Variants in PTPRS observed in about 807,000 individuals in gnomAD.
The protein encoded by PTPRS is receptor-type tyrosine-protein phosphatase S.
In PTPRS, 63 loss-of-function variants were observed where a neutral mutation model predicts 215.3. The observed-to-expected ratio is 0.29, with a 90% confidence interval of 0.24 to 0.36. The LOEUF is 0.36. Among genes scored for constraint, PTPRS ranks in the 10% least tolerant of loss-of-function variants. PTPRS has a pLI of 1.00. For synonymous variants in PTPRS, 1,404 were observed against 1,191.4 expected (o/e 1.18, Z -3.68); for missense variants, 2,258 against 2,825.8 (o/e 0.80, Z 4.56).
At chr19:5,269,191 CCCA>C (rs1418268245) in intron 4 of PTPRS, among the ~76,000 whole-genome samples, 1 of 152,084 alleles carries the variant, frequency 6.6e-6, no homozygotes, top group Non-Finnish European at 1.5e-5. Context: ...CTTGCCCGTG[CCCA>C]CGTGTCCACA....
intron 1 of PTPRS, among the ~76,000 whole-genome samples, chr19:5,314,250 A>G (rs11085125): frequency 0.75 from 114,552 of 152,120 alleles, 44,603 homozygotes; most frequent in African/African-American, 0.94. Flanking sequence ...AGTAAGATAG[A>G]GTCGTGACCT....
intron 1 of PTPRS, among the ~76,000 whole-genome samples, chr19:5,290,669 G>A (rs557068622): frequency 1.1e-4 from 16 of 152,166 alleles, no homozygotes; most frequent in African/African-American, 2.9e-4. Flanking sequence ...GTCCTGGGGC[G>A]GGAGTCTGGG....
At chr19:5,250,590 C>T (rs1436593856) in intron 9 of PTPRS, among the ~76,000 whole-genome samples, 2 of 143,576 alleles carry the variant, frequency 1.4e-5, no homozygotes, top group Non-Finnish European at 3.0e-5. Flanking sequence ...CAGCTCTTCT[C>T]GTCACCGAGT....
Position 5,267,199 on chromosome 19 carries a change from G to A in PTPRS, c.380-2003C>T, listed in dbSNP as rs149485295. On this transcript the variant is annotated intron_variant, in intron 4 of 37. Coordinates refer to ENST00000262963, the MANE Select transcript of PTPRS (RefSeq NM_002850.4). ...CTCCCCTCCATGGTAAATGGAGACC[G>A]GTGGTGATGTGGGGGCGGGGGGGAG... 1.5e-3 allele frequency among the ~76,000 whole-genome samples: 224 copies of A among 151,906 alleles called. 1 individual carries two copies. Among genetic ancestry groups the A allele is most frequent in the Middle Eastern group, 0.014 (4 of 294 alleles).
In PTPRS at chr19:5,287,714, G is replaced by A. The variant is rs1568572160; in HGVS notation, c.-94-1480C>T. ...GGGCGGTCCCAGGGGAAGGATGGGC[G>A]GGTAGTGGCCGGGTCACAGCCTAGG... On this transcript the variant is annotated intron_variant, in intron 1 of 37. Coordinates refer to ENST00000262963, the MANE Select transcript of PTPRS (RefSeq NM_002850.4). This position sits in a 1 kb window ranked among gnomAD's most constrained non-coding sequence, Gnocchi z 4.8. Among the ~76,000 whole-genome samples the A allele has an allele frequency of 6.6e-6, 1 of 152,206 alleles. No individual in the cohort carries two copies. Among genetic ancestry groups the A allele is most frequent in the African/African-American group, 2.4e-5 (1 of 41,456 alleles).
chr19:5,220,585 T>TA (rs1396687917), intron 20 of PTPRS, among the ~76,000 whole-genome samples: 3 of 152,218 alleles, frequency 2.0e-5, no homozygotes, highest in Non-Finnish European at 4.4e-5. Context: ...TGCTCATTGT[T>TA]AAACTCCTAT....
At chr19:5,330,135 T>C (rs2050278223) in intron 1 of PTPRS, among the ~76,000 whole-genome samples, 1 of 150,636 alleles carries the variant, frequency 6.6e-6, no homozygotes, top group Non-Finnish European at 1.5e-5. Flanking sequence ...AGAGCATCCA[T>C]CTAAATGCAG....
chr19:5,252,139 G>GA (rs2045152173), intron 9 of PTPRS, among the ~76,000 whole-genome samples: 1 of 152,192 alleles, frequency 6.6e-6, no homozygotes, highest in Non-Finnish European at 1.5e-5. Context: ...GAAGACCTGG[G>GA]AATCGGGCAA....
chr19:5,212,313 T>G (rs1568368964), intron 31 of PTPRS, 24 bp downstream of exon 31: 1 of 1,610,500 alleles, frequency 6.2e-7, no homozygotes, highest in South Asian at 1.1e-5. Flanking sequence ...GGGAAGCGGA[T>G]GGGGCAGAGT....
At chr19:5,299,764 C>T (rs995268542) in intron 1 of PTPRS, among the ~76,000 whole-genome samples, 1 of 151,754 alleles carries the variant, frequency 6.6e-6, no homozygotes, top group African/African-American at 2.4e-5. Flanking sequence ...CCCAGCTACT[C>T]GGGGCTGAGG....
chr19:5,231,625 G>T lies in PTPRS; in HGVS notation c.1850-10C>A, dbSNP rs754257574. On this transcript the variant is annotated splice_polypyrimidine_tract_variant and intron_variant, in intron 13 of 37. Coordinates refer to ENST00000262963, the MANE Select transcript of PTPRS (RefSeq NM_002850.4). ...GGGGGGGCTGACGGTTCTATTGGAG[G>T]GGGGGAGAACGTGGGGGGGTGGGGA... 3 of 169,354 alleles carry T rather than the reference G, an allele frequency of 1.8e-5. No homozygotes were observed. The highest frequency in any genetic ancestry group is 2.6e-3 in the Middle Eastern group (1 of 378). 10.5% of individuals were successfully genotyped at this position (169,354 alleles called of 1,614,324 possible).
At chr19:5,206,973 C>T in intron 37 of PTPRS, 131 bp from the exon 38 acceptor site, 2 of 737,104 alleles carry the variant, frequency 2.7e-6, no homozygotes, top group South Asian at 1.8e-5. Flanking sequence ...CTTTGGCCCC[C>T]ACGGCCCTCC....
intron 2 of PTPRS, among the ~76,000 whole-genome samples, chr19:5,279,622 C>T (rs1181366662): frequency 1.3e-5 from 2 of 152,130 alleles, no homozygotes; most frequent in African/African-American, 2.4e-5. Flanking sequence ...CCTCCCATCT[C>T]GGTCTCCCAA....
At chr19:5,286,265 G>C (rs115657473) in intron 1 of PTPRS, 31 bp from the exon 2 acceptor site, 1 of 1,071,368 alleles carries the variant, frequency 9.3e-7, no homozygotes, top group Non-Finnish European at 1.4e-6. Context: ...TGTGAGAGGC[G>C]AGTGGGGAAA....
Position 5,261,205 on chromosome 19 carries a change from C to T in PTPRS, c.578-383G>A, listed in dbSNP as rs147902646. Among the ~76,000 whole-genome samples, 237 of 152,178 alleles carry T rather than the reference C, an allele frequency of 1.6e-3. 1 individual carries two copies. The highest frequency in any genetic ancestry group is 5.2e-3 in the African/African-American group (217 of 41,522). On this transcript the variant is annotated intron_variant, in intron 6 of 37. Transcript: ENST00000262963. The stretch of plus-strand genomic sequence containing the variant: ...TGAGGGAGGGAGGTTCATCACCCCC[C>T]CTTCCTTCTTTCCGTCTTAGGGAGC...
In PTPRS at chr19:5,211,722, T is replaced by C. The variant is rs148218543; in HGVS notation, c.5102A>G (p.Asn1701Ser). 2.5e-5 allele frequency: 41 copies of C among 1,613,976 alleles called. No homozygotes were observed. Among genetic ancestry groups the C allele is most frequent in the African/African-American group, 6.7e-5 (5 of 74,932 alleles). The change falls in exon 33 of 38, where the codon AAT becomes AGT. Residue 1701 changes from asparagine (N) to serine (S), a missense_variant. By Grantham distance (46) the Asn-to-Ser change is conservative. This residue lies in a region of PTPRS where 927 missense variants were observed against 1,125.9 expected (regional missense o/e 0.82). Coordinates refer to ENST00000262963, the MANE Select transcript of PTPRS (RefSeq NM_002850.4). ...GTTCTTGAACTTGTTACAAGGCAGA[T>C]TGGCACTGATGAAGCGTGACGTGTG... is the stretch of plus-strand genomic sequence containing the variant. ...KAHTSRFISA[N>S]LPCNKFKNRL... is the part of the protein sequence containing the mutation.
rs1020485119 is a variant in PTPRS at position 5,215,517 on chromosome 19, T to C, written c.4175A>G (p.Lys1392Arg). ...GCTCACCTCATACTCCTGGGAGAGC[T>C]TGAGGCTGTCGTTGGCCTTGAGCCG... ...TERLKANDSLKLSQEYESIDP... is the reference protein window; with the variant it reads ...TERLKANDSLRLSQEYESIDP... The change falls in exon 27 of 38, where the codon AAG becomes AGG. Residue 1392 changes from lysine (K) to arginine (R), a missense_variant. This residue lies in a region of PTPRS where 927 missense variants were observed against 1,125.9 expected (regional missense o/e 0.82). Transcript: ENST00000262963. 6.2e-6 allele frequency: 10 copies of C among 1,611,954 alleles called. No individual in the cohort carries two copies. The highest frequency in any genetic ancestry group is 1.1e-5 in the South Asian group (1 of 90,972).
intron 13 of PTPRS, among the ~76,000 whole-genome samples, chr19:5,238,547 G>A (rs2043689527): frequency 1.3e-5 from 2 of 152,198 alleles, no homozygotes; most frequent in African/African-American, 4.8e-5. Flanking sequence ...AAAATGCCTG[G>A]GAAATGGGCA....
At chr19:5,278,321 C>T (rs148821797) in intron 2 of PTPRS, among the ~76,000 whole-genome samples, 133 of 151,996 alleles carry the variant, frequency 8.8e-4, no homozygotes, top group African/African-American at 3.1e-3. Context: ...CAGGCTCAAG[C>T]GATCCTCCCA....
Sources: gnomAD v4.1 joint callset for allele counts (sites outside exome capture counted in the v4.1 genomes callset) on GRCh38, gnomAD v4.1.1 for gene constraint, gnomAD v4.1.1 regional missense constraint, Gnocchi (gnomAD v3.1) non-coding constraint, MANE v1.5 for transcripts, NCBI Gene and HGNC (gene_info 2026-07-23, HGNC 2026-07-21) for gene names.